The following CROCC variants were observed in gnomAD, a reference collection of about 807,000 sequenced individuals.
CROCC encodes rootletin.
A neutral mutation model predicts 245.2 loss-of-function variants in CROCC; 180 were observed. The ratio of observed to expected loss-of-function variants is 0.73; its 90% CI spans 0.65 to 0.83. The LOEUF (loss-of-function observed/expected upper bound fraction) is 0.83. CROCC is among the 40% of genes least tolerant of loss of function. The pLI is 0.00. For synonymous variants in CROCC, 1,205 were observed against 1,241.6 expected, an observed-to-expected ratio of 0.97 and a Z score of 0.62; for missense variants, 2,688 against 2,779.4, an observed-to-expected ratio of 0.97 and a Z score of 0.74.
At chr1:16,923,105 G>A in intron 2 of CROCC, among the ~76,000 whole-genome samples, 1 of 152,292 alleles carries the variant, frequency 6.6e-6, no homozygotes, top group East Asian at 1.9e-4. Flanking sequence ...GGTGTGAGCT[G>A]GCTGAACCCA....
In CROCC at chr1:16,950,990, A is replaced by C; in HGVS notation, c.2874A>C (p.Thr958=). The C allele has an allele frequency of 2.5e-6, 4 of 1,595,760 alleles. No homozygotes were observed. The highest frequency in any genetic ancestry group is 2.6e-6 in the Non-Finnish European group (3 of 1,172,276). The change falls in exon 20 of 37, where the codon ACA becomes ACC. Residue 958 remains threonine, a synonymous_variant. Transcript: ENST00000375541. ...LAGLRQQIIA[T]QEKASLDKEL... Reference sequence around the variant, plus strand: ...GCCTGCGGCAGCAAATAATAGCTACACAGGAGAAAGCCAGTCTAGACAAGG... The same window carrying C: ...GCCTGCGGCAGCAAATAATAGCTACCCAGGAGAAAGCCAGTCTAGACAAGG...
chr1:16,946,802 G>A lies in CROCC; in HGVS notation c.2325G>A (p.Gln775=), dbSNP rs1362241813. The part of the protein sequence containing the change: ...EKSALQGRQR[Q]AEQEATVARE... The stretch of plus-strand genomic sequence containing the variant: ...CCGCCCTGCAGGGCCGGCAACGGCA[G>A]GCAGAGCAGGAGGCCACAGTGGCGC... Residue 775 remains glutamine, a synonymous_variant, in exon 17 of 37, where the codon CAG becomes CAA. Coordinates refer to ENST00000375541, the MANE Select transcript of CROCC (RefSeq NM_014675.5). 1 of 1,552,408 alleles carries A rather than the reference G, an allele frequency of 6.4e-7. No homozygotes were observed. Among genetic ancestry groups the A allele is most frequent in the Non-Finnish European group, 8.7e-7 (1 of 1,147,572 alleles).
At position 16,968,107 on chromosome 1, in the gene CROCC, G is replaced by C. The variant is rs1335500783; in HGVS notation, c.4861-96G>C. 4.6e-6 allele frequency: 6 copies of C among 1,292,252 alleles called. No individual in the cohort carries two copies. The East Asian group carries it at 1.5e-4, about 33-fold the overall frequency. The allele number at this position is 1,292,252 out of a possible 1,614,324, so 80.0% of individuals were successfully genotyped here. On this transcript the variant is annotated intron_variant, in intron 30 of 36. Transcript: ENST00000375541. ...CAGGTCACGTAGGTCACCCTTCGAG[G>C]CTGCTCCCCACTTTCCCCCTAAGGG...
At chr1:16,931,799 C>T (rs2075683135) in intron 8 of CROCC, among the ~76,000 whole-genome samples, 1 of 152,340 alleles carries the variant, frequency 6.6e-6, no homozygotes, top group African/African-American at 2.4e-5. Context: ...GCTCTGTCAC[C>T]AGGCTGGAGT....
At chr1:16,937,157 C>A (rs1236211175) in intron 9 of CROCC, among the ~76,000 whole-genome samples, 4 of 152,260 alleles carry the variant, frequency 2.6e-5, no homozygotes, top group Admixed American at 2.6e-4. Context: ...AGCTCAAGAC[C>A]AGCCTGTCCG....
chr1:16,968,125 C>T (rs1450195253), intron 30 of CROCC, 78 bp from the exon 31 acceptor site: 8 of 1,443,048 alleles, frequency 5.5e-6, no homozygotes, highest in South Asian at 1.2e-5. Context: ...CCACTTTCCC[C>T]CTAAGGGCCC....
intron 33 of CROCC, 119 bp downstream of exon 33, chr1:16,970,053 CAT>C: frequency 7.5e-7 from 1 of 1,335,990 alleles, no homozygotes; most frequent in Non-Finnish European, 1.0e-6. Context: ...AGTAAGGAAA[CAT>C]GGTTCATTCA....
rs777101709 is a variant in CROCC at position 16,929,938 on chromosome 1, G to A, written c.444G>A (p.Leu148=). 4 of 1,586,302 alleles carry A rather than the reference G, an allele frequency of 2.5e-6. No individual in the cohort carries two copies. The highest frequency in any genetic ancestry group is 3.4e-6 in the Non-Finnish European group (4 of 1,169,636). ...AGAGCGTGGAGTTGCGGAGGCAGCTGCAGGAGGAGCAGGCCTCCTACCGGC... is the reference window on the plus strand; with the variant it reads ...AGAGCGTGGAGTTGCGGAGGCAGCTACAGGAGGAGCAGGCCTCCTACCGGC... ...VRQSVELRRQ[L]QEEQASYRRK... Residue 148 remains leucine (L), a synonymous_variant, in exon 4 of 37, where the codon CTG becomes CTA. Transcript: ENST00000375541.
intron 20 of CROCC, chr1:16,951,385 A>T (rs1330237263): frequency 3.2e-6 from 1 of 308,450 alleles, no homozygotes; most frequent in Admixed American, 5.1e-5. Context: ...CCTAATGTAC[A>T]GCAGGAAAGC....
chr1:16,922,625 T>C, intron 1 of CROCC, 38 bp from the exon 2 acceptor site: 3 of 1,559,760 alleles, frequency 1.9e-6, no homozygotes. Context: ...GAGCCCCGGG[T>C]CCCATGTCCC....
intron 1 of CROCC, among the ~76,000 whole-genome samples, chr1:16,915,003 A>G (rs1484635820): frequency 6.6e-6 from 1 of 152,244 alleles, no homozygotes; most frequent in Non-Finnish European, 1.5e-5. Flanking sequence ...AGCGAGGTTC[A>G]GGCAAGACTC....
chr1:16,915,092 T>G (rs1256642605), intron 1 of CROCC, among the ~76,000 whole-genome samples: 1 of 152,224 alleles, frequency 6.6e-6, no homozygotes, highest in Non-Finnish European at 1.5e-5. Context: ...CCCAAGTCTT[T>G]CAGCCCTTTC....
chr1:16,971,425 C>G (rs530833975), intron 35 of CROCC, 40 bp from the exon 36 acceptor site: 1 of 1,503,204 alleles, frequency 6.7e-7, no homozygotes, highest in Non-Finnish European at 8.9e-7. Flanking sequence ...CACACACACT[C>G]ACACTGGGCC....
At chr1:16,940,543 C>T (rs2418939) in intron 13 of CROCC, among the ~76,000 whole-genome samples, 12 of 151,906 alleles carry the variant, frequency 7.9e-5, no homozygotes, top group Non-Finnish European at 1.6e-4. Flanking sequence ...CCCACCACCA[C>T]GCCCGGCTAA....
chr1:16,954,428 CG>C lies in CROCC; in HGVS notation c.3321+75del. ...ATCCCTGGCTGAGGAGCCCCCACCA[CG>C]GGGCGGCATGGCCCTGTCCTGGAGA... On this transcript the variant is annotated intron_variant, in intron 22 of 36. Coordinates refer to ENST00000375541, the MANE Select transcript of CROCC (RefSeq NM_014675.5). This position sits in a 1 kb window ranked among gnomAD's most constrained non-coding sequence, Gnocchi z 4.4. 6.5e-7 allele frequency: 1 copy of C among 1,546,332 alleles called. No individual in the cohort carries two copies.
chr1:16,935,255 T>TCA (rs377043746), intron 8 of CROCC, among the ~76,000 whole-genome samples: 13 of 152,138 alleles, frequency 8.5e-5, no homozygotes, highest in East Asian at 3.9e-4. Context: ...ATAAAGCAGA[T>TCA]CACACACACA....
intron 27 of CROCC, 59 bp downstream of exon 27, chr1:16,961,189 GC>G: frequency 8.0e-7 from 1 of 1,251,780 alleles, no homozygotes; most frequent in South Asian, 2.7e-5. Flanking sequence ...CTGAGGCCCC[GC>G]CCCCACATGG....
intron 17 of CROCC, among the ~76,000 whole-genome samples, chr1:16,948,064 C>T (rs1375358461): frequency 1.3e-5 from 2 of 152,264 alleles, no homozygotes; most frequent in Non-Finnish European, 2.9e-5. Context: ...GTCTTGAACT[C>T]CTGACCTCAA....
intron 5 of CROCC, 22 bp from the exon 6 acceptor site, chr1:16,930,264 C>A (rs1307054009): frequency 6.3e-7 from 1 of 1,595,070 alleles, no homozygotes; most frequent in Non-Finnish European, 8.5e-7. Context: ...CAACCTGATG[C>A]TTTAACCTCT....
Sources: allele counts gnomAD v4.1 joint callset (sites outside exome capture counted in the v4.1 genomes callset), GRCh38; gene constraint gnomAD v4.1.1; non-coding constraint Gnocchi (gnomAD v3.1); transcripts MANE v1.5; gene names NCBI Gene and HGNC (gene_info 2026-07-23, HGNC 2026-07-21).